ABCB5: variants seen among roughly 807,000 people sequenced by gnomAD.
The protein encoded by ABCB5 is ATP binding cassette subfamily B member 5.
ABCB5 carries 155 observed loss-of-function variants against 144.2 expected under a neutral mutation model. The ratio of observed to expected loss-of-function variants is 1.08; its 90% CI spans 0.94 to 1.23. The LOEUF (loss-of-function observed/expected upper bound fraction) is 1.23. Among genes scored for constraint, ABCB5 ranks in the 50% most tolerant of loss-of-function variants. The probability of loss-of-function intolerance (pLI) is 0.00; values close to 1 mark genes in which losing one functional copy is unlikely to be tolerated. For missense variants in ABCB5, 1,830 were observed against 1,520.8 expected, an observed-to-expected ratio of 1.20 and a Z score of -3.38; for synonymous variants, 610 against 528.6, an observed-to-expected ratio of 1.15 and a Z score of -2.11.
At chr7:20,699,777 C>T (rs772868327) in intron 17 of ABCB5, 48 bp from the exon 18 acceptor site, 7 of 1,296,202 alleles carry the variant, frequency 5.4e-6, no homozygotes, top group Non-Finnish European at 7.5e-6. Flanking sequence ...TTTTCTGTTT[C>T]TTTTATATTT....
intron 19 of ABCB5, among the ~76,000 whole-genome samples, chr7:20,703,551 G>T (rs937080994): frequency 1.6e-4 from 25 of 152,206 alleles, no homozygotes; most frequent in African/African-American, 5.1e-4. Flanking sequence ...CCCTCAACCT[G>T]CTATGCCTTT....
intron 23 of ABCB5, 56 bp downstream of exon 23, chr7:20,728,511 T>G (rs1466626235): frequency 6.3e-7 from 1 of 1,579,174 alleles, no homozygotes; most frequent in Non-Finnish European, 8.6e-7. Flanking sequence ...TCCAACACTT[T>G]GAGAGGCTGA....
chr7:20,691,047 G>A (rs1786205327), intron 16 of ABCB5, among the ~76,000 whole-genome samples: 1 of 151,996 alleles, frequency 6.6e-6, no homozygotes, highest in South Asian at 2.1e-4. Flanking sequence ...TGCAAAGTAG[G>A]ATAGTGATCT....
At position 20,756,226 on chromosome 7, in the gene ABCB5, T is replaced by C. The variant is rs1468112484; in HGVS notation, c.*602T>C. 1 of 152,532 alleles carries C rather than the reference T, an allele frequency of 6.6e-6. No individual in the cohort carries two copies. Among genetic ancestry groups the C allele is most frequent in the Non-Finnish European group, 1.5e-5 (1 of 68,176 alleles). The allele number at this position is 152,532 out of a possible 1,614,324, so 9.4% of individuals were successfully genotyped here. A position where few individuals can be genotyped will look rare whatever the true frequency, so the allele number is the denominator to read the frequency against. ...CTGGGAGGATTAGGTAGCTATCTCC[T>C]ACTTCACCAGTAAGTGAAGTGCCTC... On this transcript the variant is annotated 3_prime_UTR_variant, in exon 28 of 28. Transcript: ENST00000404938.
chr7:20,646,157 C>T lies in ABCB5; in HGVS notation c.981+19C>T. On this transcript the variant is annotated intron_variant, in intron 9 of 27. Transcript: ENST00000404938. ...TCTTGCTGTAAGTCTTGTTTGAGAA[C>T]AAGGTGTCAGGCCTGGATAATCTTT... The T allele has an allele frequency of 6.2e-7, 1 of 1,604,438 alleles. No homozygotes were observed. Among genetic ancestry groups the T allele is most frequent in the South Asian group, 1.1e-5 (1 of 89,004 alleles).
intron 4 of ABCB5, among the ~76,000 whole-genome samples, chr7:20,629,788 A>C (rs1252721933): frequency 1.6e-5 from 2 of 124,304 alleles, no homozygotes; most frequent in Non-Finnish European, 3.6e-5. Flanking sequence ...GGAGAAGGAG[A>C]AGAAGAAGAA....
intron 14 of ABCB5, among the ~76,000 whole-genome samples, chr7:20,673,980 A>C (rs915800720): frequency 2.6e-4 from 40 of 152,030 alleles, no homozygotes; most frequent in Non-Finnish European, 5.6e-4. Context: ...ATTTAACTTA[A>C]GACAATCTAC....
rs192206466 is a variant in ABCB5 at position 20,721,209 on chromosome 7, T to C, written c.2422-1807T>C. On this transcript the variant is annotated intron_variant, in intron 20 of 27. Coordinates refer to ENST00000404938, the MANE Select transcript of ABCB5 (RefSeq NM_001163941.2). ...ATCATCTCTAAGTATGCAGGGATGA[T>C]AGAGTATCAGGTCAGCCACTTAATC... is the stretch of plus-strand genomic sequence containing the variant. Among the ~76,000 whole-genome samples the C allele has an allele frequency of 3.0e-3, 451 of 152,306 alleles. 1 individual carries two copies. The highest frequency in any genetic ancestry group is 4.0e-3 in the Non-Finnish European group (271 of 68,022).
intron 23 of ABCB5, among the ~76,000 whole-genome samples, chr7:20,733,315 C>T (rs1782281764): frequency 6.6e-6 from 1 of 152,070 alleles, no homozygotes; most frequent in African/African-American, 2.4e-5. Context: ...GCTGATTCCT[C>T]ACATATAAAT....
At chr7:20,697,790 T>C (rs1215499426) in intron 16 of ABCB5, among the ~76,000 whole-genome samples, 1 of 152,202 alleles carries the variant, frequency 6.6e-6, no homozygotes, top group Non-Finnish European at 1.5e-5. Context: ...AGCTTAATTG[T>C]ATAAACAATC....
chr7:20,646,183 C>T (rs1784404804), intron 9 of ABCB5, 45 bp downstream of exon 9: 5 of 1,548,358 alleles, frequency 3.2e-6, no homozygotes, highest in Non-Finnish European at 4.3e-6. Context: ...GATAATCTTT[C>T]CTTACCTAGT....
intron 26 of ABCB5, among the ~76,000 whole-genome samples, chr7:20,749,158 T>TCC (rs1782831539): frequency 7.5e-6 from 1 of 133,990 alleles, no homozygotes. Flanking sequence ...CCTCCCTCTC[T>TCC]CTCTCCTTCC....
At chr7:20,744,282 G>T (rs1016580449) in intron 25 of ABCB5, among the ~76,000 whole-genome samples, 1 of 152,016 alleles carries the variant, frequency 6.6e-6, no homozygotes, top group African/African-American at 2.4e-5. Context: ...TAACCAGGGT[G>T]GTCTTGAACT....
intron 20 of ABCB5, 140 bp downstream of exon 20, chr7:20,704,947 C>T: frequency 1.9e-6 from 1 of 517,468 alleles, no homozygotes; most frequent in Non-Finnish European, 3.2e-6. Flanking sequence ...TCACGGTTAA[C>T]AGGTAACTCT....
At chr7:20,700,166 T>C in intron 19 of ABCB5, 31 bp downstream of exon 19, 5 of 1,503,406 alleles carry the variant, frequency 3.3e-6, no homozygotes, top group Non-Finnish European at 4.5e-6. Context: ...TTTTTTATTT[T>C]ATTTAAAATT....
chr7:20,691,619 A>T (rs1232898681), intron 16 of ABCB5, among the ~76,000 whole-genome samples: 1 of 47,604 alleles, frequency 2.1e-5, no homozygotes, highest in African/African-American at 6.6e-5. Flanking sequence ...TATGATTATT[A>T]TACTTGAAGT....
In ABCB5 at chr7:20,717,883, C is replaced by CTTTTTTTTTTTT. The variant is rs574592723; in HGVS notation, c.2422-5108_2422-5097dup. Among the ~76,000 whole-genome samples, 11 of 43,272 alleles carry CTTTTTTTTTTTT rather than the reference C, an allele frequency of 2.5e-4. 4 individuals carry two copies. The highest frequency in any genetic ancestry group is 4.4e-4 in the African/African-American group (6 of 13,666). 28.4% of individuals were successfully genotyped at this position (43,272 alleles called of 152,430 possible). ...AATACGGTAACATTCTTGTAACATT[C>CTTTTTTTTTTTT]TTTTTTTTTTTTTTTTTTTTTTTTT... On this transcript the variant is annotated intron_variant, in intron 20 of 27. Coordinates refer to ENST00000404938, the MANE Select transcript of ABCB5 (RefSeq NM_001163941.2).
At chr7:20,728,508 C>CT in intron 23 of ABCB5, 53 bp downstream of exon 23, 1 of 1,584,020 alleles carries the variant, frequency 6.3e-7, no homozygotes, top group Non-Finnish European at 8.6e-7. Context: ...AATTCCAACA[C>CT]TTTGAGAGGC....
chr7:20,682,449 G>A (rs925535075), intron 15 of ABCB5, among the ~76,000 whole-genome samples: 19 of 152,162 alleles, frequency 1.2e-4, no homozygotes, highest in Non-Finnish European at 2.9e-5. Flanking sequence ...AGGTTAAAAG[G>A]TGGGAGTTGG....
Sources: allele counts gnomAD v4.1 joint callset (sites outside exome capture counted in the v4.1 genomes callset), GRCh38; gene constraint gnomAD v4.1.1; transcripts MANE v1.5; gene names NCBI Gene and HGNC (gene_info 2026-07-23, HGNC 2026-07-21).